The following FHAD1 variants were observed in gnomAD, a reference collection of about 807,000 sequenced individuals.
FHAD1 encodes the protein forkhead-associated domain-containing protein 1.
FHAD1 carries 146 observed loss-of-function variants against 191.3 expected under a neutral mutation model. The ratio of observed to expected loss-of-function variants is 0.76; its 90% confidence interval spans 0.67 to 0.88. The LOEUF (loss-of-function observed/expected upper bound fraction) is 0.88. FHAD1 is among the 40% of genes least tolerant of loss of function. The pLI, the probability that FHAD1 is intolerant of heterozygous loss-of-function variation, is 0.00. For missense variants in FHAD1, 1,635 were observed against 1,785.8 expected (o/e 0.92, Z 1.52); for synonymous variants, 616 against 672.3 (o/e 0.92, Z 1.29).
intron 24 of FHAD1, among the ~76,000 whole-genome samples, chr1:15,367,041 A>G (rs970333056): frequency 2.0e-5 from 3 of 152,154 alleles, no homozygotes; most frequent in East Asian, 3.8e-4. Flanking sequence ...CAAGACATTT[A>G]TGGCTGAGGT....
intron 10 of FHAD1, among the ~76,000 whole-genome samples, chr1:15,320,620 A>T (rs766001177): frequency 2.0e-5 from 3 of 152,220 alleles, no homozygotes; most frequent in Non-Finnish European, 4.4e-5. Context: ...TCATTGCTAG[A>T]GATGTTTTTC....
Position 15,375,615 on chromosome 1 carries a change from A to G in FHAD1, c.3590A>G (p.His1197Arg), listed in dbSNP as rs1263789829. 1.3e-6 allele frequency: 2 copies of G among 1,535,728 alleles called. No homozygotes were observed. The highest frequency in any genetic ancestry group is 1.8e-6 in the Non-Finnish European group (2 of 1,142,322). ...EKARSPDHKD[H>R]QNESFLDLKN... is the part of the protein sequence containing the mutation. ...ATTTCTTTTACAGATCATAAAGACC[A>G]CCAGAATGAATCATTTCTAGATTTA... The change falls in exon 28 of 34, where the codon CAC becomes CGC. Residue 1197 changes from histidine to arginine, a missense_variant. Physicochemically the swap from His to Arg is conservative, Grantham distance 29 (BLOSUM62 0). Transcript: ENST00000688493.
In FHAD1 at chr1:15,367,497, G is replaced by T; in HGVS notation, c.3189G>T (p.Glu1063Asp). 1 of 1,551,490 alleles carries T rather than the reference G, an allele frequency of 6.4e-7. No homozygotes were observed. Among genetic ancestry groups the T allele is most frequent in the Non-Finnish European group, 8.7e-7 (1 of 1,146,946 alleles). ...ACGAGAAGCAGAAGATGGAACTGGA[G>T]CAGAACGTGGTGCTGGTCCAGCAGC... is the stretch of plus-strand genomic sequence containing the variant. ...ELNEKQKMEL[E>D]QNVVLVQQQS... Residue 1063 changes from glutamate to aspartate, a missense_variant, in exon 25 of 34, where the codon GAG becomes GAT. Glu to Asp is a conservative substitution (Grantham distance 45, BLOSUM62 2). Coordinates refer to ENST00000688493, the MANE Select transcript of FHAD1 (RefSeq NM_001391957.1).
In FHAD1 at chr1:15,292,581, C is replaced by T. The variant is rs116441595; in HGVS notation, c.568+2915C>T. On this transcript the variant is annotated intron_variant, in intron 4 of 33. Transcript: ENST00000688493. The stretch of plus-strand genomic sequence containing the variant: ...ACCTCCTGACCTCAGGTGATCCACC[C>T]GCCTTTAAAGAGGTAATTAAGTTAA... Among the ~76,000 whole-genome samples the T allele has an allele frequency of 5.0e-3, 766 of 152,288 alleles. 8 individuals carry two copies. The highest frequency in any genetic ancestry group is 0.012 in the African/African-American group (483 of 41,558).
chr1:15,293,665 C>A (rs978534894), intron 4 of FHAD1, among the ~76,000 whole-genome samples: 1 of 152,170 alleles, frequency 6.6e-6, no homozygotes. Context: ...TTGCAGTGAG[C>A]TGAGATTGTG....
chr1:15,253,075 A>T (rs1368575114), intron 2 of FHAD1, among the ~76,000 whole-genome samples: 1 of 151,924 alleles, frequency 6.6e-6, no homozygotes, highest in African/African-American at 2.4e-5. Flanking sequence ...CCTACCTTCC[A>T]CCCAGTTTCC....
rs149450140 is a variant in FHAD1 at position 15,388,408 on chromosome 1, C to T, written c.4269+277C>T. On this transcript the variant is annotated intron_variant, in intron 32 of 33. Transcript: ENST00000688493. Reference sequence around the variant, plus strand: ...TAAGAGACAAGCACGCGTCCAGCCCCGTCTGTCCATTAAGGTGAGAAGGCA... The same window carrying T: ...TAAGAGACAAGCACGCGTCCAGCCCTGTCTGTCCATTAAGGTGAGAAGGCA... The T allele has an allele frequency of 8.6e-5, 95 of 1,105,782 alleles. No homozygotes were observed. The East Asian group carries it at 4.6e-3, about 54-fold the overall frequency. 68.5% of individuals were successfully genotyped at this position (1,105,782 alleles called of 1,614,324 possible). A position where few individuals can be genotyped will look rare whatever the true frequency, so the allele number is the denominator to read the frequency against.
At chr1:15,253,148 C>CTG (rs5772631) in intron 2 of FHAD1, among the ~76,000 whole-genome samples, 14,175 of 145,962 alleles carry the variant, frequency 0.097, 731 homozygotes, top group South Asian at 0.18. Context: ...GACATAAGTG[C>CTG]TGTGTGTGTG....
At chr1:15,343,585 C>G (rs1346718659) in intron 16 of FHAD1, among the ~76,000 whole-genome samples, 1 of 152,186 alleles carries the variant, frequency 6.6e-6, no homozygotes, top group Non-Finnish European at 1.5e-5. Context: ...CTCTTTGCCT[C>G]TTTCTCTGCT....
At chr1:15,257,235 G>A (rs1038205613) in intron 2 of FHAD1, among the ~76,000 whole-genome samples, 1 of 152,192 alleles carries the variant, frequency 6.6e-6, no homozygotes, top group Non-Finnish European at 1.5e-5. Context: ...GGCTTATAGG[G>A]TCAGTTCCCC....
chr1:15,371,548 G>A (rs761578312), intron 26 of FHAD1, among the ~76,000 whole-genome samples: 2 of 152,192 alleles, frequency 1.3e-5, no homozygotes, highest in Non-Finnish European at 2.9e-5. Flanking sequence ...GGGGTCACAT[G>A]GAGCTCCTGG....
chr1:15,275,253 C>T (rs1657883737), intron 3 of FHAD1, among the ~76,000 whole-genome samples: 1 of 152,068 alleles, frequency 6.6e-6, no homozygotes, highest in Admixed American at 6.5e-5. Flanking sequence ...TGAGCCACCG[C>T]GCCTGGCCAA....
chr1:15,290,306 G>A (rs902271577), intron 4 of FHAD1, among the ~76,000 whole-genome samples: 4 of 152,110 alleles, frequency 2.6e-5, no homozygotes, highest in African/African-American at 4.8e-5. Context: ...CTTCCCATCT[G>A]TCACTGTCCT....
chr1:15,357,252 C>A (rs767514035), intron 20 of FHAD1, among the ~76,000 whole-genome samples: 6 of 152,138 alleles, frequency 3.9e-5, no homozygotes, highest in Non-Finnish European at 8.8e-5. Flanking sequence ...TCGTAAGATG[C>A]CCAGCACAGT....
intron 10 of FHAD1, among the ~76,000 whole-genome samples, chr1:15,319,078 C>T (rs1675466233): frequency 6.6e-6 from 1 of 152,102 alleles, no homozygotes; most frequent in Non-Finnish European, 1.5e-5. Context: ...AGTCCTCCTG[C>T]CTCAGCCTCC....
chr1:15,258,288 TTC>T (rs1451083103), intron 2 of FHAD1, among the ~76,000 whole-genome samples: 6 of 152,216 alleles, frequency 3.9e-5, no homozygotes, highest in African/African-American at 1.2e-4. Flanking sequence ...ACAAAGTACT[TTC>T]TGTCTCTGAA....
chr1:15,274,350 G>A (rs143461752), intron 3 of FHAD1, among the ~76,000 whole-genome samples: 50 of 152,308 alleles, frequency 3.3e-4, no homozygotes, highest in African/African-American at 8.7e-4. Context: ...GCTCACACCT[G>A]TAATCCCAGC....
intron 2 of FHAD1, among the ~76,000 whole-genome samples, chr1:15,258,742 C>T (rs1037649224): frequency 1.3e-4 from 12 of 95,568 alleles, no homozygotes; most frequent in African/African-American, 3.7e-4. Flanking sequence ...TGTACCACCA[C>T]GCCCGGCTAA....
chr1:15,368,756 A>G (rs1057375249), intron 25 of FHAD1, among the ~76,000 whole-genome samples: 1 of 152,174 alleles, frequency 6.6e-6, no homozygotes, highest in African/African-American at 2.4e-5. Flanking sequence ...CCTGGCCAAC[A>G]TATAGTGAAA....
Sources: allele counts gnomAD v4.1 joint callset (sites outside exome capture counted in the v4.1 genomes callset), GRCh38; gene constraint gnomAD v4.1.1; transcripts MANE v1.5; gene names NCBI Gene and HGNC (gene_info 2026-07-23, HGNC 2026-07-21).